Variants in ERC1 observed in about 807,000 individuals in gnomAD.
ERC1 encodes the protein ELKS/RAB6-interacting/CAST family member 1.
A neutral mutation model predicts 132.0 loss-of-function variants in ERC1; 56 were observed. The observed-to-expected ratio is 0.42, with a 90% CI of 0.34 to 0.53. The LOEUF is 0.53. Among genes scored for constraint, ERC1 ranks in the 20% least tolerant of loss-of-function variants. ERC1 has a pLI of 0.03. For missense variants in ERC1, 1,202 were observed against 1,349.9 expected (o/e 0.89, Z 1.72); for synonymous variants, 478 against 476.1 (o/e 1.00, Z -0.05).
intron 14 of ERC1, among the ~76,000 whole-genome samples, chr12:1,280,866 CT>C (rs768155021): frequency 6.6e-6 from 1 of 152,218 alleles, no homozygotes; most frequent in Non-Finnish European, 1.5e-5. Flanking sequence ...TAATAGTATA[CT>C]TTTGATAAGG....
At chr12:1,154,281 G>GTA (rs1277937965) in intron 8 of ERC1, among the ~76,000 whole-genome samples, 4 of 127,772 alleles carry the variant, frequency 3.1e-5, no homozygotes, top group African/African-American at 1.2e-4. Flanking sequence ...ACATATACAT[G>GTA]TATATATACA....
chr12:1,353,102 C>T (rs1419065821), intron 15 of ERC1, among the ~76,000 whole-genome samples: 2 of 148,278 alleles, frequency 1.3e-5, no homozygotes, highest in African/African-American at 5.1e-5. Flanking sequence ...GTGATCTCTG[C>T]TCACTGCAAG....
rs1173709635 is a variant in ERC1 at position 1,492,661 on chromosome 12, G to GATA, written c.*2432_*2434dup. 6 of 232,902 alleles carry GATA rather than the reference G, an allele frequency of 2.6e-5. No individual in the cohort carries two copies. The East Asian group carries it at 3.0e-4, about 12-fold the overall frequency. 14.4% of individuals were successfully genotyped at this position (232,902 alleles called of 1,614,324 possible). A position where few individuals can be genotyped will look rare whatever the true frequency, so the allele number is the denominator to read the frequency against. On this transcript the variant is annotated 3_prime_UTR_variant, in exon 19 of 19. Coordinates refer to ENST00000360905, the MANE Select transcript of ERC1 (RefSeq NM_178040.4). ...TCTGAGAAGAAGCATTTCCGGGACC[G>GATA]ATATCATCTGTCTGGTCTCTGTGAA... is the stretch of plus-strand genomic sequence containing the variant.
At chr12:1,174,468 G>A (rs1416264337) in intron 8 of ERC1, among the ~76,000 whole-genome samples, 3 of 152,214 alleles carry the variant, frequency 2.0e-5, no homozygotes, top group Non-Finnish European at 2.9e-5. Context: ...CTTGCTGACG[G>A]CATTTTACCT....
chr12:1,068,209 C>T (rs2045928236), intron 2 of ERC1, among the ~76,000 whole-genome samples: 1 of 151,892 alleles, frequency 6.6e-6, no homozygotes, highest in South Asian at 2.1e-4. Context: ...GGATTACAGG[C>T]GTGAGCCACC....
chr12:1,393,396 G>A (rs374243063), intron 16 of ERC1, among the ~76,000 whole-genome samples: 20 of 152,220 alleles, frequency 1.3e-4, no homozygotes, highest in African/African-American at 3.4e-4. Flanking sequence ...TTAGCTGGGC[G>A]TGGTGGTGCA....
At chr12:1,328,358 G>C (rs1007883527) in intron 15 of ERC1, among the ~76,000 whole-genome samples, 2 of 151,768 alleles carry the variant, frequency 1.3e-5, no homozygotes, top group Admixed American at 6.6e-5. Context: ...TGCCCAGGCT[G>C]GTCTCAAACC....
intron 11 of ERC1, among the ~76,000 whole-genome samples, chr12:1,183,677 C>T (rs146202832): frequency 8.2e-4 from 125 of 152,144 alleles, no homozygotes; most frequent in Middle Eastern, 3.4e-3. Context: ...AAATATGAGA[C>T]CAGAGTGTAA....
At chr12:1,464,148 T>C (rs1338099427) in intron 18 of ERC1, among the ~76,000 whole-genome samples, 1 of 152,234 alleles carries the variant, frequency 6.6e-6, no homozygotes, top group East Asian at 1.9e-4. Flanking sequence ...CCGATGGATG[T>C]GAGAACTCCT....
chr12:1,271,595 G>A (rs1594695870), intron 14 of ERC1, among the ~76,000 whole-genome samples: 1 of 152,064 alleles, frequency 6.6e-6, no homozygotes, highest in Non-Finnish European at 1.5e-5. Flanking sequence ...TGTTGTTCAG[G>A]CTGGACTGTA....
rs375020400 is a variant in ERC1 at position 1,337,438 on chromosome 12, C to A, written c.2781-34395C>A. Among the ~76,000 whole-genome samples the A allele has an allele frequency of 1.1e-4, 17 of 151,850 alleles. No homozygotes were observed. The South Asian group carries it at 3.5e-3, about 32-fold the overall frequency. ...TATTTTGAGTCTGTGGGTGTCATTG[C>A]ATACGAAATGGGCCTCTTGAAGATA... On this transcript the variant is annotated intron_variant, in intron 15 of 18. Coordinates refer to ENST00000360905, the MANE Select transcript of ERC1 (RefSeq NM_178040.4).
At chr12:1,229,016 T>C (rs2154298997) in intron 12 of ERC1, among the ~76,000 whole-genome samples, 1 of 152,350 alleles carries the variant, frequency 6.6e-6, no homozygotes, top group South Asian at 2.1e-4. Context: ...AGGGCAATAC[T>C]GGCCTTTTAA....
In ERC1 at chr12:1,494,446, CTCT is replaced by C. The variant is rs1305574547; in HGVS notation, c.*4221_*4223del. Reference sequence around the variant, plus strand: ...TGAACAAAATGGCTGTCTTCACCTACTCTTCTTGCAAGAAAAGACATACATTAC... The same window carrying C: ...TGAACAAAATGGCTGTCTTCACCTACTCTTGCAAGAAAAGACATACATTAC... On this transcript the variant is annotated 3_prime_UTR_variant, in exon 19 of 19. Coordinates refer to ENST00000360905, the MANE Select transcript of ERC1 (RefSeq NM_178040.4). 2 of 231,872 alleles carry C rather than the reference CTCT, an allele frequency of 8.6e-6. No individual in the cohort carries two copies. The highest frequency in any genetic ancestry group is 6.1e-5 in the East Asian group (1 of 16,428). The allele number at this position is 231,872 out of a possible 1,614,324, so 14.4% of individuals were successfully genotyped here.
intron 10 of ERC1, among the ~76,000 whole-genome samples, chr12:1,182,923 T>C (rs1042445133): frequency 7.9e-5 from 12 of 152,230 alleles, no homozygotes; most frequent in Non-Finnish European, 1.3e-4. Flanking sequence ...TGTCTCAGCC[T>C]CCCAAAATGC....
intron 15 of ERC1, among the ~76,000 whole-genome samples, chr12:1,321,646 G>A (rs2082123686): frequency 2.0e-5 from 3 of 152,162 alleles, no homozygotes; most frequent in Admixed American, 2.0e-4. Context: ...GGCTTTAGGT[G>A]ATATACTGGG....
At chr12:1,185,766 A>G (rs1188509327) in intron 11 of ERC1, among the ~76,000 whole-genome samples, 5 of 150,430 alleles carry the variant, frequency 3.3e-5, no homozygotes, top group Non-Finnish European at 7.4e-5. Context: ...TGAGGTGACT[A>G]CAAAATAGAA....
At chr12:1,060,866 C>T (rs1203750692) in intron 2 of ERC1, among the ~76,000 whole-genome samples, 1 of 151,678 alleles carries the variant, frequency 6.6e-6, no homozygotes, top group Non-Finnish European at 1.5e-5. Context: ...GCTGGGACTA[C>T]AGGTGCCCAC....
At chr12:1,091,313 G>A (rs985027057) in intron 3 of ERC1, among the ~76,000 whole-genome samples, 6 of 152,148 alleles carry the variant, frequency 3.9e-5, no homozygotes, top group African/African-American at 1.4e-4. Context: ...AGTTGGGAAG[G>A]GGATTTTATA....
chr12:1,388,477 T>A (rs754269383), intron 16 of ERC1, among the ~76,000 whole-genome samples: 3 of 152,122 alleles, frequency 2.0e-5, no homozygotes, highest in Admixed American at 6.5e-5. Flanking sequence ...AGAAGGCTTC[T>A]TATTACCAAG....
Sources: gnomAD v4.1 joint callset for allele counts (sites outside exome capture counted in the v4.1 genomes callset) on GRCh38, gnomAD v4.1.1 for gene constraint, MANE v1.5 for transcripts, NCBI Gene and HGNC (gene_info 2026-07-23, HGNC 2026-07-21) for gene names.